The following COL4A5 variants were observed in gnomAD, a reference collection of about 807,000 sequenced individuals.
The protein encoded by COL4A5 is collagen type IV alpha 5 chain.
Under a neutral mutation model 130.2 loss-of-function variants are expected in COL4A5, and 26 were observed. That is an observed-to-expected ratio of 0.20 (90% CI 0.15 to 0.28). The LOEUF is 0.28. Among genes scored for constraint, COL4A5 ranks in the 10% least tolerant of loss-of-function variants. The pLI is 1.00. For missense variants in COL4A5, 1,131 were observed against 1,344.3 expected (o/e 0.84, Z 2.48); for synonymous variants, 496 against 439.6 (o/e 1.13, Z -1.60).
chrX:108,557,668 A>G (rs754768312), intron 2 of COL4A5, among the ~76,000 whole-genome samples: 6 of 111,480 alleles, frequency 5.4e-5, no homozygotes, highest in African/African-American at 1.3e-4. Context: ...CTTTCAGAGT[A>G]GAAATAAAAG....
At chrX:108,640,348 G>C (rs1329072779) in intron 36 of COL4A5, among the ~76,000 whole-genome samples, 1 of 111,619 alleles carries the variant, frequency 9.0e-6, no homozygotes, top group Non-Finnish European at 1.9e-5. Context: ...CAATTTCATA[G>C]AGACAGAAGG....
At position 108,651,206 on chromosome X, in the gene COL4A5, G is replaced by T. The variant is rs1333943779; in HGVS notation, c.3247-4125G>T. ...GAGAATGAGAAATGACTGCTAATGT[G>T]TACAGTTTCTTTTAGGGGGAAATGG... On this transcript the variant is annotated intron_variant, in intron 36 of 52. Transcript: ENST00000328300. Among the ~76,000 whole-genome samples, 3 of 111,338 alleles carry T rather than the reference G, an allele frequency of 2.7e-5. No individual in the cohort carries two copies. The Admixed American group carries it at 2.9e-4, about 11-fold the overall frequency.
chrX:108,505,107 T>C (rs958095774), intron 1 of COL4A5, among the ~76,000 whole-genome samples: 2 of 111,705 alleles, frequency 1.8e-5, no homozygotes, highest in African/African-American at 6.5e-5. Flanking sequence ...CTGGAGGCCA[T>C]TATTTTAAGT....
rs1250406490 is a variant in COL4A5, at chrX:108,526,611, T to C, written c.82-13135T>C. Among the ~76,000 whole-genome samples the C allele has an allele frequency of 3.4e-3, 187 of 54,558 alleles. 3 individuals carry two copies. The highest frequency in any genetic ancestry group is 0.022 in the African/African-American group (176 of 8,144). 47.4% of individuals were successfully genotyped at this position (54,558 alleles called of 115,157 possible). A position where few individuals can be genotyped will look rare whatever the true frequency, so the allele number is the denominator to read the frequency against. On this transcript the variant is annotated intron_variant, in intron 1 of 52. Coordinates refer to ENST00000328300, the MANE Select transcript of COL4A5 (RefSeq NM_033380.3). ...TCCCTCCCTCCTTTCTTTCTTTCTTTCTTTCTTTCTTTCTTTCTTTCTTTC... is the reference window on the plus strand; with the variant it reads ...TCCCTCCCTCCTTTCTTTCTTTCTTCCTTTCTTTCTTTCTTTCTTTCTTTC...
At chrX:108,646,966 C>T (rs1002717549) in intron 36 of COL4A5, among the ~76,000 whole-genome samples, 3 of 110,182 alleles carry the variant, frequency 2.7e-5, no homozygotes, top group Non-Finnish European at 3.8e-5. Flanking sequence ...CAGTACCATG[C>T]TGTTTTGGTG....
chrX:108,635,849 A>G (rs2067341638), intron 36 of COL4A5, among the ~76,000 whole-genome samples: 1 of 112,574 alleles, frequency 8.9e-6, no homozygotes, highest in South Asian at 3.6e-4. Context: ...GGAGGCTACT[A>G]TCTATCCTAA....
chrX:108,610,869 G>C (rs2066821532), intron 29 of COL4A5, among the ~76,000 whole-genome samples: 1 of 111,674 alleles, frequency 9.0e-6, no homozygotes, highest in African/African-American at 3.2e-5. Context: ...TTCTATGCCA[G>C]CTAGTACCTG....
At position 108,687,642 on chromosome X, in the gene COL4A5, C is replaced by T. The variant is rs778743553; in HGVS notation, c.4476C>T (p.Gly1492=). ...AGGGAACACTTCAGGTCTATGAAGGCTTTTCTCTCCTGTATGTACAAGGAA... is the reference window on the plus strand; with the variant it reads ...AGGGAACACTTCAGGTCTATGAAGGTTTTTCTCTCCTGTATGTACAAGGAA... ...CPQGTLQVYE[G]FSLLYVQGNK... Residue 1492 remains glycine (G), a synonymous_variant, in exon 49 of 53, where the codon GGC becomes GGT. Coordinates refer to ENST00000328300, the MANE Select transcript of COL4A5 (RefSeq NM_033380.3). 1.3e-4 allele frequency: 152 copies of T among 1,209,387 alleles called. No individual in the cohort carries two copies. The highest frequency in any genetic ancestry group is 1.6e-4 in the Non-Finnish European group (145 of 895,045).
At chrX:108,616,298 A>C (rs2066926036) in intron 30 of COL4A5, among the ~76,000 whole-genome samples, 1 of 109,988 alleles carries the variant, frequency 9.1e-6, no homozygotes, top group African/African-American at 3.3e-5. Context: ...CTGGAGTGCA[A>C]TGCTGCAGTC....
chrX:108,496,319 A>G (rs1314671409), intron 1 of COL4A5, among the ~76,000 whole-genome samples: 1 of 111,887 alleles, frequency 8.9e-6, no homozygotes, highest in Non-Finnish European at 1.9e-5. Flanking sequence ...TTTGACTCAT[A>G]TGTTAATACT....
intron 1 of COL4A5, 168 bp downstream of exon 1, chrX:108,440,374 G>A (rs1227706854): frequency 1.3e-5 from 6 of 452,285 alleles, no homozygotes; most frequent in Non-Finnish European, 2.3e-5. Context: ...GGTAACTCAA[G>A]CCTTCTGAAG....
chrX:108,527,147 G>A (rs984919496), intron 1 of COL4A5, among the ~76,000 whole-genome samples: 3 of 110,670 alleles, frequency 2.7e-5, no homozygotes, highest in Non-Finnish European at 3.8e-5. Flanking sequence ...ATGTTGTGTC[G>A]ATTTACACTT....
chrX:108,597,163 A>G lies in COL4A5; in HGVS notation c.1587+95A>G, dbSNP rs2066532849. ...ATTCATATATATACACACATATACA[A>G]TTTAATTTTTCCATTAAGTTGTACT... On this transcript the variant is annotated intron_variant, in intron 23 of 52. Transcript: ENST00000328300. The G allele has an allele frequency of 6.3e-5, 54 of 851,503 alleles. No individual in the cohort carries two copies. In the East Asian group the frequency reaches 1.8e-3, roughly 29 times the overall value. 70.2% of individuals were successfully genotyped at this position (851,503 alleles called of 1,213,427 possible).
chrX:108,466,804 A>G (rs1347837427), intron 1 of COL4A5, among the ~76,000 whole-genome samples: 3 of 108,511 alleles, frequency 2.8e-5, no homozygotes, highest in Non-Finnish European at 5.7e-5. Flanking sequence ...GGGTCTTGCT[A>G]TGTTGCCCAG....
At chrX:108,452,274 G>A (rs2064524686) in intron 1 of COL4A5, among the ~76,000 whole-genome samples, 1 of 111,800 alleles carries the variant, frequency 8.9e-6, no homozygotes, top group Non-Finnish European at 1.9e-5. Flanking sequence ...CTCCAGCTTT[G>A]TTCTTTTGGC....
chrX:108,644,616 C>T (rs550392599), intron 36 of COL4A5, among the ~76,000 whole-genome samples: 2 of 111,730 alleles, frequency 1.8e-5, no homozygotes, highest in African/African-American at 3.2e-5. Context: ...AACTTCCTCT[C>T]GGGCCGGGCA....
At chrX:108,584,639 T>A in intron 18 of COL4A5, 114 bp downstream of exon 18, 1 of 636,670 alleles carries the variant, frequency 1.6e-6, no homozygotes, top group Non-Finnish European at 2.5e-6. Flanking sequence ...TTTCAAGTCA[T>A]TATCAATTTC....
chrX:108,618,460 G>T (rs1404464119), intron 30 of COL4A5, among the ~76,000 whole-genome samples: 2 of 111,344 alleles, frequency 1.8e-5, no homozygotes, highest in African/African-American at 6.5e-5. Flanking sequence ...ATTCCAAAAA[G>T]ATTATTTAAA....
At chrX:108,516,922 T>C (rs1182173285) in intron 1 of COL4A5, among the ~76,000 whole-genome samples, 2 of 111,698 alleles carry the variant, frequency 1.8e-5, no homozygotes, top group Non-Finnish European at 3.8e-5. Flanking sequence ...AATCTAAATA[T>C]TCATTTAAGC....
Sources: gnomAD v4.1 joint callset for allele counts (sites outside exome capture counted in the v4.1 genomes callset) on GRCh38, gnomAD v4.1.1 for gene constraint, MANE v1.5 for transcripts, NCBI Gene and HGNC (gene_info 2026-07-23, HGNC 2026-07-21) for gene names.